The following TKFC variants were observed in gnomAD, a reference collection of about 807,000 sequenced individuals.
The protein encoded by TKFC is triokinase and FMN cyclase, also known as triokinase/FMN cyclase.
Under a neutral mutation model 61.0 loss-of-function variants are expected in TKFC, and 46 were observed. The ratio of observed to expected loss-of-function variants is 0.75; its 90% CI spans 0.60 to 0.96. The LOEUF (loss-of-function observed/expected upper bound fraction) is 0.96. Among genes scored for constraint, TKFC ranks in the 50% least tolerant of loss-of-function variants. The pLI is 0.00. For synonymous variants in TKFC, 314 were observed against 330.1 expected, an observed-to-expected ratio of 0.95 and a Z score of 0.53; for missense variants, 715 against 777.5, an observed-to-expected ratio of 0.92 and a Z score of 0.96.
At chr11:61,352,740 T>C (rs997836993), downstream of TKFC, 2 of 1,228,016 alleles carry the variant, frequency 1.6e-6, no homozygotes, top group African/African-American at 3.1e-5. Context: ...CAGGATTAAA[T>C]GTAAGGTGCT....
chr11:61,336,081 ACC>A (rs2134977501), intron 2 of TKFC: 1 of 153,426 alleles, frequency 6.5e-6, no homozygotes, highest in East Asian at 1.9e-4. Flanking sequence ...GGCATGAGCT[ACC>A]ACACCCGGCC....
chr11:61,343,157 A>G, intron 10 of TKFC, 185 bp from the exon 11 acceptor site: 1 of 631,158 alleles, frequency 1.6e-6, no homozygotes. Context: ...ATCTTCCCCG[A>G]CGTAGGGGAC....
At chr11:61,334,880 C>A in intron 2 of TKFC, 149 bp downstream of exon 2, 2 of 1,215,108 alleles carry the variant, frequency 1.6e-6, no homozygotes, top group Non-Finnish European at 2.3e-6. Context: ...ATCCTCTCTC[C>A]CAGGGTCTGA....
chr11:61,346,045 C>G lies in TKFC; in HGVS notation c.1575+99C>G. On this transcript the variant is annotated intron_variant, in intron 17 of 17. Coordinates refer to ENST00000394900, the MANE Select transcript of TKFC (RefSeq NM_015533.4). This position sits in a 1 kb window ranked among gnomAD's most constrained non-coding sequence, Gnocchi z 4.1. Reference sequence around the variant, plus strand: ...GAGCAAGTTAATAACCTTCCTGGACCGCAGTTTCCTTCTCTGTACAATGGA... The same window carrying G: ...GAGCAAGTTAATAACCTTCCTGGACGGCAGTTTCCTTCTCTGTACAATGGA... The G allele has an allele frequency of 7.6e-7, 1 of 1,316,362 alleles. No homozygotes were observed. The highest frequency in any genetic ancestry group is 1.1e-6 in the Non-Finnish European group (1 of 950,390). The allele number at this position is 1,316,362 out of a possible 1,614,324, so 81.5% of individuals were successfully genotyped here.
rs767177002 is a variant in TKFC at position 61,345,292 on chromosome 11, C to A, written c.1273C>A (p.Pro425Thr). ...IQEWLKEGPP[P>T]ASPAQLLSKL... The stretch of plus-strand genomic sequence containing the variant: ...GGAGTGGCTGAAGGAGGGCCCACCC[C>A]CTGCCAGCCCTGCCCAGCTGCTCTC... The change falls in exon 14 of 18, where the codon CCT becomes ACT. Residue 425 changes from proline to threonine, a missense_variant. Coordinates refer to ENST00000394900, the MANE Select transcript of TKFC (RefSeq NM_015533.4). 6.3e-7 allele frequency: 1 copy of A among 1,595,124 alleles called. No individual in the cohort carries two copies. The highest frequency in any genetic ancestry group is 1.7e-5 in the Admixed American group (1 of 58,440).
intron 9 of TKFC, 22 bp from the exon 10 acceptor site, chr11:61,342,733 G>A (rs1199003993): frequency 6.2e-7 from 1 of 1,613,912 alleles, no homozygotes; most frequent in Non-Finnish European, 8.5e-7. Context: ...GGTCTCACCT[G>A]GGGTGTCATG....
At chr11:61,339,695 A>G (rs572441804) in intron 5 of TKFC, among the ~76,000 whole-genome samples, 1 of 152,158 alleles carries the variant, frequency 6.6e-6, no homozygotes, top group African/African-American at 2.4e-5. Flanking sequence ...AATGTACAAC[A>G]CACATCCTTC....
rs771888542 is a variant in TKFC, at chr11:61,342,493, A to G, written c.688A>G (p.Lys230Glu). 5.6e-6 allele frequency: 9 copies of G among 1,614,056 alleles called. No homozygotes were observed. The South Asian group carries it at 6.6e-5, about 12-fold the overall frequency. The change falls in exon 8 of 18, where the codon AAG becomes GAG. Residue 230 changes from lysine to glutamate, a missense_variant and splice_region_variant. Physicochemically the swap from Lys to Glu is moderately conservative, Grantham distance 56. Coordinates refer to ENST00000394900, the MANE Select transcript of TKFC (RefSeq NM_015533.4). Reference protein sequence around the residue: ...IHGEAGVRRIKMATADEIVKL... With the variant: ...IHGEAGVRRIEMATADEIVKL... Reference sequence around the variant, plus strand: ...CGGGGAAGCTGGTGTGCGCCGGATAAAGGTAGGTGGTCCCTCTGGCACAGG... The same window carrying G: ...CGGGGAAGCTGGTGTGCGCCGGATAGAGGTAGGTGGTCCCTCTGGCACAGG...
At chr11:61,350,567 C>T, downstream of TKFC, 3 of 975,068 alleles carry the variant, frequency 3.1e-6, no homozygotes, top group Non-Finnish European at 1.6e-6. Flanking sequence ...AGTCCCTGAG[C>T]CTGGTACACA....
downstream of TKFC, chr11:61,352,688 T>A (rs1857470947): frequency 1.2e-5 from 8 of 685,750 alleles, no homozygotes; most frequent in Admixed American, 9.1e-5. Flanking sequence ...AAAATGGCAA[T>A]GACAACAATA....
rs1260205303 is a variant in TKFC at position 61,348,343 on chromosome 11, T to C, written c.*1840T>C. Reference sequence around the variant, plus strand: ...ATGTGAATCCACACATGCCATTCCATGAAGACAGAGGATCATGTGGATCTT... The same window carrying C: ...ATGTGAATCCACACATGCCATTCCACGAAGACAGAGGATCATGTGGATCTT... On this transcript the variant is annotated 3_prime_UTR_variant, in exon 18 of 18. Transcript: ENST00000394900. 2.4e-6 allele frequency: 2 copies of C among 846,008 alleles called. No individual in the cohort carries two copies. The highest frequency in any genetic ancestry group is 7.2e-4 in the Admixed American group (2 of 2,790). The allele number at this position is 846,008 out of a possible 1,614,324, so 52.4% of individuals were successfully genotyped here.
At position 61,345,990 on chromosome 11, in the gene TKFC, G is replaced by T. The variant is rs201178258; in HGVS notation, c.1575+44G>T. 8,788 of 1,585,776 alleles carry T rather than the reference G, an allele frequency of 5.5e-3. 99 individuals are homozygous for T. Among genetic ancestry groups the T allele is most frequent in the Middle Eastern group, 0.03 (182 of 6,014 alleles). On this transcript the variant is annotated intron_variant, in intron 17 of 17. Transcript: ENST00000394900. ...AGCCACCTGGGGAGACAGGCTTCTA[G>T]CCAGCAGACTCCTGTCTCCATGTGA...
At position 61,339,083 on chromosome 11, in the gene TKFC, ATGC is replaced by A. The variant is rs763510414; in HGVS notation, c.214_216del (p.Leu72del). The A allele has an allele frequency of 1.7e-5, 28 of 1,613,052 alleles. No individual in the cohort carries two copies. The highest frequency in any genetic ancestry group is 2.2e-5 in the Non-Finnish European group (26 of 1,179,706). ...ACCTCCAGGTTTCATAGGGAAGGGGATGCTGACTGGGGTCATCGCGGGAGCTGT... is the reference window on the plus strand; with the variant it reads ...ACCTCCAGGTTTCATAGGGAAGGGGATGACTGGGGTCATCGCGGGAGCTGT... On this transcript the variant is annotated inframe_deletion, in exon 4 of 18. Transcript: ENST00000394900.
At chr11:61,341,376 T>C (rs2135021345) in intron 5 of TKFC, 60 bp from the exon 6 acceptor site, 5 of 1,531,960 alleles carry the variant, frequency 3.3e-6, no homozygotes, top group Middle Eastern at 1.7e-4. Context: ...GCCTGTCTTC[T>C]ACCCCACATG....
chr11:61,339,685 A>G (rs1172989256), intron 5 of TKFC, among the ~76,000 whole-genome samples: 1 of 151,874 alleles, frequency 6.6e-6, no homozygotes, highest in Admixed American at 6.6e-5. Flanking sequence ...TCTCCTCCCA[A>G]ATGTACAACA....
In TKFC at chr11:61,341,401, T is replaced by TC. The variant is rs537806306; in HGVS notation, c.487-29dup. On this transcript the variant is annotated intron_variant, in intron 5 of 17. Coordinates refer to ENST00000394900, the MANE Select transcript of TKFC (RefSeq NM_015533.4). ...TACCCCACATGGTACAGTGATACCC[T>TC]CCCCCCTGGGGCTTTTACCTCTTTG... 13 of 1,549,044 alleles carry TC rather than the reference T, an allele frequency of 8.4e-6. No individual in the cohort carries two copies. The South Asian group carries it at 9.5e-5, about 11-fold the overall frequency.
Position 61,339,257 on chromosome 11 carries a change from G to C in TKFC, c.308G>C (p.Gly103Ala), listed in dbSNP as rs752576247. The C allele has an allele frequency of 1.2e-6, 2 of 1,612,822 alleles. No homozygotes were observed. Among genetic ancestry groups the C allele is most frequent in the South Asian group, 2.2e-5 (2 of 90,992 alleles). ...GCCCTTCCGGCTGCTCCCGCAGTGG[G>C]GACGCTCCTTATCGTGAAGAACTAC... ...IRAVAQAGTV[G>A]TLLIVKNYTG... The change falls in exon 5 of 18, where the codon GGG becomes GCG. Residue 103 changes from glycine (G) to alanine (A), a missense_variant. Physicochemically the swap from Gly to Ala is moderately conservative, Grantham distance 60. Transcript: ENST00000394900.
chr11:61,343,217 G>A (rs1856951716), intron 10 of TKFC, 125 bp from the exon 11 acceptor site: 5 of 863,396 alleles, frequency 5.8e-6, no homozygotes, highest in Middle Eastern at 2.7e-4. Flanking sequence ...ATGCCTGCCA[G>A]GAGGAAATCA....
chr11:61,343,932 C>T lies in TKFC; in HGVS notation c.1059C>T (p.Ala353=). 1.2e-6 allele frequency: 2 copies of T among 1,611,476 alleles called. No homozygotes were observed. The highest frequency in any genetic ancestry group is 2.2e-5 in the East Asian group (1 of 44,886). Residue 353 remains alanine (A), a synonymous_variant, in exon 12 of 18, where the codon GCC becomes GCT. Transcript: ENST00000394900. ...SITGRKRSRV[A]PAEPQEAPDS... ...CTGGGCGGAAGCGGAGCCGGGTAGC[C>T]CCTGCCGAGCCCCAGGAGGCCCCTG...
Sources: allele counts gnomAD v4.1 joint callset (sites outside exome capture counted in the v4.1 genomes callset), GRCh38; gene constraint gnomAD v4.1.1; non-coding constraint Gnocchi (gnomAD v3.1); transcripts MANE v1.5; gene names NCBI Gene and HGNC (gene_info 2026-07-23, HGNC 2026-07-21).